Variants in TAFA4 observed in about 807,000 individuals in gnomAD.
TAFA4 encodes the protein chemokine-like protein TAFA-4.
A neutral mutation model predicts 21.1 loss-of-function variants in TAFA4; 20 were observed. The observed-to-expected ratio is 0.95, with a 90% CI of 0.67 to 1.38. The LOEUF (loss-of-function observed/expected upper bound fraction) is 1.38, where lower values mean the gene tolerates loss of function less well. Ranked by LOEUF, TAFA4 falls within the 40% of genes most tolerant of loss-of-function variation. The pLI, the probability that TAFA4 is intolerant of heterozygous loss-of-function variation, is 0.00. For missense variants in TAFA4, 211 were observed against 180.9 expected, an observed-to-expected ratio of 1.17 and a Z score of -0.95; for synonymous variants, 71 against 67.4, an observed-to-expected ratio of 1.05 and a Z score of -0.26.
chr3:68,896,194 T>C (rs1343099375), intron 1 of TAFA4, among the ~76,000 whole-genome samples: 16 of 152,158 alleles, frequency 1.1e-4, no homozygotes, highest in Admixed American at 6.5e-5. Context: ...AGGCAGAAGC[T>C]TGTAGGCCAT....
intron 1 of TAFA4, among the ~76,000 whole-genome samples, chr3:68,913,217 T>C (rs2089975752): frequency 6.6e-6 from 1 of 152,220 alleles, no homozygotes; most frequent in Non-Finnish European, 1.5e-5. Context: ...GTGCTGTACA[T>C]GCATCTTCCA....
chr3:68,883,260 G>A (rs768763499), intron 2 of TAFA4, among the ~76,000 whole-genome samples: 14 of 152,262 alleles, frequency 9.2e-5, no homozygotes, highest in South Asian at 4.2e-4. Flanking sequence ...TGTATTCCCC[G>A]TATTCTTGCT....
chr3:68,884,941 G>C (rs1031688632), intron 2 of TAFA4, among the ~76,000 whole-genome samples: 8 of 152,146 alleles, frequency 5.3e-5, no homozygotes, highest in African/African-American at 1.7e-4. Context: ...CAATAGATTT[G>C]TATTTCTTCA....
At chr3:68,882,179 G>A (rs1052885766) in intron 2 of TAFA4, among the ~76,000 whole-genome samples, 1 of 152,006 alleles carries the variant, frequency 6.6e-6, no homozygotes, top group African/African-American at 2.4e-5. Context: ...GGCTATGTTG[G>A]GTAATTTGCA....
At chr3:68,799,379 C>T (rs1703523647) in intron 3 of TAFA4, among the ~76,000 whole-genome samples, 1 of 152,126 alleles carries the variant, frequency 6.6e-6, no homozygotes, top group Admixed American at 6.5e-5. Context: ...CATAAGGGTA[C>T]TCATCCCACT....
At chr3:68,734,390 T>C (rs1391764827) in intron 5 of TAFA4, among the ~76,000 whole-genome samples, 1 of 151,756 alleles carries the variant, frequency 6.6e-6, no homozygotes, top group Admixed American at 6.6e-5. Context: ...AAAAGTAAGG[T>C]AGTACGATAC....
At position 68,857,436 on chromosome 3, in the gene TAFA4, T is replaced by G. The variant is rs1575644097; in HGVS notation, c.130+23294A>C. On this transcript the variant is annotated intron_variant, in intron 3 of 5. Coordinates refer to ENST00000295569, the MANE Select transcript of TAFA4 (RefSeq NM_182522.5). ...AAGATAAACAGGAAATAATGTTAGG[T>G]GTTAGGTAATGAGGACCAATGGATG... Among the ~76,000 whole-genome samples, 8 of 152,132 alleles carry G rather than the reference T, an allele frequency of 5.3e-5. 1 individual carries two copies. The highest frequency in any genetic ancestry group is 5.2e-4 in the Admixed American group (8 of 15,262).
chr3:68,876,765 C>T (rs2089554033), intron 3 of TAFA4, among the ~76,000 whole-genome samples: 1 of 151,892 alleles, frequency 6.6e-6, no homozygotes, highest in Non-Finnish European at 1.5e-5. Flanking sequence ...CCTAAATTTC[C>T]ATAAATTTGA....
intron 3 of TAFA4, among the ~76,000 whole-genome samples, chr3:68,855,532 C>T (rs573799639): frequency 7.9e-5 from 12 of 151,902 alleles, no homozygotes; most frequent in Non-Finnish European, 1.2e-4. Context: ...GAAAAACAGC[C>T]GCTGCTGAAA....
intron 3 of TAFA4, among the ~76,000 whole-genome samples, chr3:68,823,868 G>A (rs983753864): frequency 6.6e-6 from 1 of 152,136 alleles, no homozygotes; most frequent in Non-Finnish European, 1.5e-5. Flanking sequence ...CTTTTTAAAT[G>A]TGTTAATAAA....
chr3:68,775,069 C>G (rs1189783730), intron 3 of TAFA4, among the ~76,000 whole-genome samples: 2 of 152,214 alleles, frequency 1.3e-5, no homozygotes, highest in Non-Finnish European at 2.9e-5. Context: ...AGGATGTTAA[C>G]TGACATTTGT....
intron 3 of TAFA4, among the ~76,000 whole-genome samples, chr3:68,773,674 AG>A (rs1702999445): frequency 6.6e-6 from 1 of 152,154 alleles, no homozygotes; most frequent in South Asian, 2.1e-4. Flanking sequence ...GCAAATTCCA[AG>A]GGTTTTCAAA....
intron 3 of TAFA4, among the ~76,000 whole-genome samples, chr3:68,774,072 G>A (rs1328366397): frequency 1.3e-5 from 2 of 152,142 alleles, no homozygotes; most frequent in Non-Finnish European, 2.9e-5. Flanking sequence ...AGGCCTGGGG[G>A]TAGACATTAG....
intron 3 of TAFA4, among the ~76,000 whole-genome samples, chr3:68,865,329 C>T (rs750348874): frequency 6.6e-6 from 1 of 151,862 alleles, no homozygotes; most frequent in African/African-American, 2.4e-5. Flanking sequence ...TTGGCTTTGA[C>T]CCCACCCAAA....
intron 3 of TAFA4, among the ~76,000 whole-genome samples, chr3:68,849,411 T>C (rs1025225604): frequency 6.6e-6 from 1 of 152,228 alleles, no homozygotes; most frequent in Non-Finnish European, 1.5e-5. Context: ...TCTGGAATGC[T>C]TGTTCTTGAA....
At chr3:68,766,866 A>G (rs1016698225) in intron 3 of TAFA4, among the ~76,000 whole-genome samples, 1 of 152,132 alleles carries the variant, frequency 6.6e-6, no homozygotes, top group Admixed American at 6.5e-5. Context: ...AGGGAAACAA[A>G]TATTAACATG....
At chr3:68,914,228 T>C (rs2089984106) in intron 1 of TAFA4, among the ~76,000 whole-genome samples, 1 of 151,912 alleles carries the variant, frequency 6.6e-6, no homozygotes, top group African/African-American at 2.4e-5. Context: ...AGACATAGAG[T>C]TGGGCAAAAA....
chr3:68,848,129 T>A (rs1157953730), intron 3 of TAFA4, among the ~76,000 whole-genome samples: 1 of 152,242 alleles, frequency 6.6e-6, no homozygotes, highest in African/African-American at 2.4e-5. Flanking sequence ...TCCACAGCTA[T>A]TAAATAGCAG....
intron 1 of TAFA4, among the ~76,000 whole-genome samples, chr3:68,895,247 C>T (rs2089776739): frequency 6.6e-6 from 1 of 152,216 alleles, no homozygotes; most frequent in African/African-American, 2.4e-5. Context: ...ATCCGCCTGC[C>T]TCAGCCTCCA....
Sources: allele counts gnomAD v4.1 joint callset (sites outside exome capture counted in the v4.1 genomes callset), GRCh38; gene constraint gnomAD v4.1.1; transcripts MANE v1.5; gene names NCBI Gene and HGNC (gene_info 2026-07-23, HGNC 2026-07-21).